The following MTMR7 variants were observed in gnomAD, a reference collection of about 807,000 sequenced individuals.
MTMR7 encodes the protein myotubularin related protein 7.
In MTMR7, 76 loss-of-function variants were observed where a neutral mutation model predicts 81.2. The ratio of observed to expected loss-of-function variants is 0.94; its 90% CI spans 0.78 to 1.13. MTMR7 has a LOEUF of 1.13. Ranked by LOEUF, MTMR7 falls within the 50% of genes most tolerant of loss-of-function variation. The pLI is 0.00. For missense variants in MTMR7, 1,044 were observed against 820.0 expected, an observed-to-expected ratio of 1.27 and a Z score of -3.34; for synonymous variants, 372 against 289.8, an observed-to-expected ratio of 1.28 and a Z score of -2.88.
intron 1 of MTMR7, among the ~76,000 whole-genome samples, chr8:17,405,312 T>A (rs1821545580): frequency 6.6e-6 from 1 of 152,320 alleles, no homozygotes. Context: ...ACAAGACTTC[T>A]GGGTCAGAGA....
chr8:17,357,940 A>C (rs376055212), intron 4 of MTMR7, among the ~76,000 whole-genome samples: 1 of 152,206 alleles, frequency 6.6e-6, no homozygotes, highest in Non-Finnish European at 1.5e-5. Flanking sequence ...GGATGATTTA[A>C]GTAACTTTTA....
Position 17,300,180 on chromosome 8 carries a change from C to A in MTMR7, c.1665G>T (p.Val555=). 6.2e-7 allele frequency: 1 copy of A among 1,613,684 alleles called. No homozygotes were observed. The highest frequency in any genetic ancestry group is 1.1e-5 in the South Asian group (1 of 91,062). The part of the protein sequence containing the change: ...IQKVQLNCTK[V]KSKQSEPSKH... ...TGCTGGGCTCACTTTGCTTACTCTT[C>A]ACCTTAGTGCAATTTAACTGGACCT... The change falls in exon 14 of 14, where the codon GTG becomes GTT. Residue 555 remains valine (V), a synonymous_variant. Transcript: ENST00000180173.
At chr8:17,397,204 G>A (rs1459586968) in intron 1 of MTMR7, among the ~76,000 whole-genome samples, 1 of 151,874 alleles carries the variant, frequency 6.6e-6, no homozygotes, top group Non-Finnish European at 1.5e-5. Flanking sequence ...GAAAAGTTAA[G>A]GGCACTTTGT....
chr8:17,311,638 T>G lies in MTMR7; in HGVS notation c.976-2A>C. 1 of 1,613,898 alleles carries G rather than the reference T, an allele frequency of 6.2e-7. No homozygotes were observed. Among genetic ancestry groups the G allele is most frequent in the Non-Finnish European group, 8.5e-7 (1 of 1,179,984 alleles). On this transcript the variant is annotated splice_acceptor_variant, in intron 8 of 13. Coordinates refer to ENST00000180173, the MANE Select transcript of MTMR7 (RefSeq NM_004686.5). LOFTEE classifies it high-confidence loss of function. ...ACTTGCCCCTTCCTCTGACACTGCC[T>G]AGAAAACACACGATCCGCAAAGAGT...
chr8:17,395,254 C>T (rs1450397690), intron 1 of MTMR7, among the ~76,000 whole-genome samples: 3 of 152,100 alleles, frequency 2.0e-5, no homozygotes, highest in Non-Finnish European at 4.4e-5. Flanking sequence ...GAACTTCATT[C>T]CTTTTCAAGG....
chr8:17,337,751 G>T (rs745306986), intron 6 of MTMR7, among the ~76,000 whole-genome samples: 32 of 152,268 alleles, frequency 2.1e-4, no homozygotes, highest in Non-Finnish European at 4.0e-4. Context: ...AAATAGCTGG[G>T]ACTACAGGCC....
chr8:17,363,605 T>G (rs748066335), intron 3 of MTMR7, among the ~76,000 whole-genome samples: 1 of 152,150 alleles, frequency 6.6e-6, no homozygotes, highest in Non-Finnish European at 1.5e-5. Context: ...ATTTTCCCTT[T>G]TTTAAGGAAA....
At chr8:17,336,557 A>G (rs1819242939) in intron 6 of MTMR7, among the ~76,000 whole-genome samples, 2 of 151,960 alleles carry the variant, frequency 1.3e-5, no homozygotes, top group African/African-American at 2.4e-5. Flanking sequence ...GGAACCACCT[A>G]CTCACTAATT....
At chr8:17,345,045 G>A (rs1035911539) in intron 5 of MTMR7, among the ~76,000 whole-genome samples, 17 of 152,156 alleles carry the variant, frequency 1.1e-4, no homozygotes, top group South Asian at 1.0e-3. Flanking sequence ...ACAGAATTCC[G>A]AACGCACATG....
chr8:17,412,677 G>C (rs1261543487), intron 1 of MTMR7, among the ~76,000 whole-genome samples: 1 of 152,084 alleles, frequency 6.6e-6, no homozygotes, highest in African/African-American at 2.4e-5. Flanking sequence ...CGAACAAAAC[G>C]GACTGGAAAA....
intron 10 of MTMR7, among the ~76,000 whole-genome samples, chr8:17,306,976 T>C (rs1033698551): frequency 1.3e-5 from 2 of 152,162 alleles, no homozygotes; most frequent in Non-Finnish European, 2.9e-5. Flanking sequence ...GACATAGGCA[T>C]GGGCAAGGAC....
intron 12 of MTMR7, 144 bp downstream of exon 12, chr8:17,304,235 G>C (rs1817307222): frequency 1.2e-6 from 1 of 825,648 alleles, no homozygotes; most frequent in Admixed American, 3.1e-5. Context: ...TACCAGATCA[G>C]ATATTCAAGC....
At chr8:17,321,353 G>A (rs1486381326) in intron 7 of MTMR7, among the ~76,000 whole-genome samples, 2 of 152,196 alleles carry the variant, frequency 1.3e-5, no homozygotes, top group Admixed American at 1.3e-4. Context: ...ACAGGCTGCT[G>A]TGGCTCTCAC....
intron 6 of MTMR7, among the ~76,000 whole-genome samples, chr8:17,339,267 G>A (rs1819339534): frequency 6.6e-6 from 1 of 151,912 alleles, no homozygotes; most frequent in African/African-American, 2.4e-5. Context: ...TACCTTCACT[G>A]ACATGTAATT....
At chr8:17,307,152 C>T (rs905993845) in intron 10 of MTMR7, among the ~76,000 whole-genome samples, 4 of 151,818 alleles carry the variant, frequency 2.6e-5, no homozygotes, top group African/African-American at 9.7e-5. Context: ...TGACAAAGGG[C>T]TAAAATCCAG....
At chr8:17,330,417 C>T (rs1377471280) in intron 7 of MTMR7, among the ~76,000 whole-genome samples, 4 of 152,172 alleles carry the variant, frequency 2.6e-5, no homozygotes, top group African/African-American at 9.7e-5. Flanking sequence ...GTTCGCAGAG[C>T]CGGAAGTGGT....
intron 6 of MTMR7, 98 bp downstream of exon 6, chr8:17,341,265 G>T: frequency 6.7e-7 from 1 of 1,498,590 alleles, no homozygotes; most frequent in South Asian, 1.3e-5. Context: ...CTTTGCAGAT[G>T]AAGCAACCTG....
intron 11 of MTMR7, 115 bp downstream of exon 11, chr8:17,305,642 T>G: frequency 1.2e-6 from 1 of 809,032 alleles, no homozygotes; most frequent in Admixed American, 2.6e-5. Flanking sequence ...AATCTGTCAG[T>G]ATAGGTATGT....
At chr8:17,361,411 A>C in intron 3 of MTMR7, 137 bp from the exon 4 acceptor site, 1 of 874,258 alleles carries the variant, frequency 1.1e-6, no homozygotes. Context: ...CTTGGGAGTA[A>C]CCTGTGTGCA....
Sources: allele counts gnomAD v4.1 joint callset (sites outside exome capture counted in the v4.1 genomes callset), GRCh38; gene constraint gnomAD v4.1.1; transcripts MANE v1.5; gene names NCBI Gene and HGNC (gene_info 2026-07-23, HGNC 2026-07-21).